ADGRB1: variants seen among roughly 807,000 people sequenced by gnomAD.
The protein encoded by ADGRB1 is brain-specific angiogenesis inhibitor 1.
Under a neutral mutation model 175.7 loss-of-function variants are expected in ADGRB1, and 36 were observed. The ratio of observed to expected loss-of-function variants is 0.20; its 90% CI spans 0.16 to 0.27. The LOEUF is 0.27. Among genes scored for constraint, ADGRB1 ranks in the 10% least tolerant of loss-of-function variants. The pLI, the probability that ADGRB1 is intolerant of heterozygous loss-of-function variation, is 1.00. For synonymous variants in ADGRB1, 1,054 were observed against 979.4 expected (o/e 1.08, Z -1.42); for missense variants, 1,731 against 2,255.3 (o/e 0.77, Z 4.71).
Position 142,511,035 on chromosome 8 carries a change from T to C in ADGRB1, c.2779T>C (p.Ser927Pro). 1 of 1,299,224 alleles carries C rather than the reference T, an allele frequency of 7.7e-7. No individual in the cohort carries two copies. The highest frequency in any genetic ancestry group is 9.9e-7 in the Non-Finnish European group (1 of 1,005,918). The allele number at this position is 1,299,224 out of a possible 1,614,324, so 80.5% of individuals were successfully genotyped here. A position where few individuals can be genotyped will look rare whatever the true frequency, so the allele number is the denominator to read the frequency against. ...LRTRCLCDRLSTFAILAQLSA... is the reference protein window; with the variant it reads ...LRTRCLCDRLPTFAILAQLSA... ...GACGCGCTGCCTCTGTGACCGGCTC[T>C]CCACCTTCGCCATCTTAGCCCAGCT... is the stretch of plus-strand genomic sequence containing the variant. Residue 927 changes from serine to proline, a missense_variant, in exon 18 of 31, where the codon TCC becomes CCC. This residue lies in a region of ADGRB1 where 77 missense variants were observed against 71.6 expected (regional missense o/e 1.08). Transcript: ENST00000517894. This position sits in a 1 kb window ranked among gnomAD's most constrained non-coding sequence, Gnocchi z 4.5.
At chr8:142,522,801 C>A (rs1040976745) in intron 22 of ADGRB1, 91 bp downstream of exon 22, 1 of 1,282,246 alleles carries the variant, frequency 7.8e-7, no homozygotes, top group Non-Finnish European at 1.0e-6. Context: ...CCATGCCCTC[C>A]CCCCGTGTGA....
chr8:142,471,611 C>G (rs1461643738), intron 2 of ADGRB1, among the ~76,000 whole-genome samples: 1 of 152,254 alleles, frequency 6.6e-6, no homozygotes, highest in African/African-American at 2.4e-5. Context: ...GCAGGGCCTA[C>G]GTGAGGCTTT....
chr8:142,518,022 G>A, intron 18 of ADGRB1, 116 bp from the exon 19 acceptor site: 1 of 920,892 alleles, frequency 1.1e-6, no homozygotes, highest in Non-Finnish European at 1.7e-6. Flanking sequence ...GGAGGGGCTG[G>A]GCCAAACGCT....
At chr8:142,539,189 C>T (rs896004073) in intron 26 of ADGRB1, among the ~76,000 whole-genome samples, 185 bp from the exon 27 acceptor site, 4 of 152,146 alleles carry the variant, frequency 2.6e-5, no homozygotes, top group Non-Finnish European at 5.9e-5. Context: ...GAGACACAAA[C>T]GCCCACCACA....
intron 1 of ADGRB1, among the ~76,000 whole-genome samples, chr8:142,457,935 A>G (rs1267905012): frequency 1.3e-5 from 2 of 152,134 alleles, no homozygotes; most frequent in Non-Finnish European, 2.9e-5. Context: ...GGGCACCCTG[A>G]GCGGGGAAGG....
At chr8:142,515,544 C>T (rs1292515070) in intron 18 of ADGRB1, among the ~76,000 whole-genome samples, 3 of 152,162 alleles carry the variant, frequency 2.0e-5, no homozygotes, top group East Asian at 1.9e-4. Flanking sequence ...TCAGAGCAGG[C>T]GCGAGACGCT....
At chr8:142,487,739 C>T (rs542357752) in intron 13 of ADGRB1, among the ~76,000 whole-genome samples, 34 of 150,762 alleles carry the variant, frequency 2.3e-4, no homozygotes, top group Non-Finnish European at 3.9e-4. Flanking sequence ...TGCCCCTAAA[C>T]GTGCTGCCTC....
In ADGRB1 at chr8:142,457,594, C is replaced by T. The variant is rs536919312; in HGVS notation, c.-219-6386C>T. Among the ~76,000 whole-genome samples, 6 of 152,196 alleles carry T rather than the reference C, an allele frequency of 3.9e-5. No homozygotes were observed. The South Asian group carries it at 6.2e-4, about 16-fold the overall frequency. On this transcript the variant is annotated intron_variant, in intron 1 of 30. Coordinates refer to ENST00000517894, the MANE Select transcript of ADGRB1 (RefSeq NM_001702.3). ...CCTGCCCACCCTTAAGAGAGGCTTC[C>T]GGGCCTGCCTCTGCTGTGGGTGGCA...
chr8:142,472,076 G>A (rs1028230507), intron 2 of ADGRB1, among the ~76,000 whole-genome samples: 26 of 152,180 alleles, frequency 1.7e-4, no homozygotes, highest in African/African-American at 5.8e-4. Flanking sequence ...TGCTGGAGTC[G>A]GGAGACCTCT....
At chr8:142,526,140 C>T (rs1844169770) in intron 23 of ADGRB1, among the ~76,000 whole-genome samples, 1 of 152,094 alleles carries the variant, frequency 6.6e-6, no homozygotes, top group Non-Finnish European at 1.5e-5. Context: ...GGAAGGAAGT[C>T]TAGAGAGAGG....
Position 142,504,875 on chromosome 8 carries a change from C to T in ADGRB1, c.2676-6057C>T, listed in dbSNP as rs1481878922. 6.6e-6 allele frequency among the ~76,000 whole-genome samples: 1 copy of T among 152,092 alleles called. No homozygotes were observed. Among genetic ancestry groups the T allele is most frequent in the South Asian group, 2.1e-4 (1 of 4,828 alleles). On this transcript the variant is annotated intron_variant, in intron 17 of 30. Transcript: ENST00000517894. This position sits in a 1 kb window ranked among gnomAD's most constrained non-coding sequence, Gnocchi z 5.6. ...GCCTAGCGCCTGAACTCCCCCACTG[C>T]GGTGTGCTGTGCCCACTCCTGGCTT...
chr8:142,543,458 C>T lies in ADGRB1; in HGVS notation c.4449+20C>T, dbSNP rs545947735. 10 of 1,613,526 alleles carry T rather than the reference C, an allele frequency of 6.2e-6. No individual in the cohort carries two copies. Among genetic ancestry groups the T allele is most frequent in the South Asian group, 5.5e-5 (5 of 91,016 alleles). ...TTTGAGGTGAGTTCTGGTGTCCCCCCCCACCAGACACTTAGGGCCAGATGT... is the reference window on the plus strand; with the variant it reads ...TTTGAGGTGAGTTCTGGTGTCCCCCTCCACCAGACACTTAGGGCCAGATGT... On this transcript the variant is annotated intron_variant, in intron 29 of 30. Transcript: ENST00000517894. The surrounding 1 kb of genome is among the most constrained non-coding windows in gnomAD (Gnocchi z 4.4).
At chr8:142,534,277 C>T (rs902186401) in intron 25 of ADGRB1, among the ~76,000 whole-genome samples, 5 of 152,188 alleles carry the variant, frequency 3.3e-5, no homozygotes, top group Non-Finnish European at 5.9e-5. Flanking sequence ...GAAGGTCAGG[C>T]GTGGGAGGCC....
At position 142,544,527 on chromosome 8, in the gene ADGRB1, C is replaced by T. The variant is rs1845475587; in HGVS notation, c.*110C>T. 2 of 1,279,920 alleles carry T rather than the reference C, an allele frequency of 1.6e-6. No individual in the cohort carries two copies. The highest frequency in any genetic ancestry group is 6.2e-5 in the East Asian group (2 of 32,124). The allele number at this position is 1,279,920 out of a possible 1,614,324, so 79.3% of individuals were successfully genotyped here. A position where few individuals can be genotyped will look rare whatever the true frequency, so the allele number is the denominator to read the frequency against. On this transcript the variant is annotated 3_prime_UTR_variant, in exon 31 of 31. Coordinates refer to ENST00000517894, the MANE Select transcript of ADGRB1 (RefSeq NM_001702.3). The stretch of plus-strand genomic sequence containing the variant: ...CGCGGGCAGCGGGCCAGGCCCGCAC[C>T]CCGGCCTCAGGGCGCTCAGACGGCG...
intron 1 of ADGRB1, among the ~76,000 whole-genome samples, chr8:142,456,672 C>T (rs1303209611): frequency 2.0e-5 from 3 of 152,266 alleles, no homozygotes; most frequent in Non-Finnish European, 4.4e-5. Context: ...CACCTACTCT[C>T]TCCCTCGGTC....
At chr8:142,500,063 A>G (rs990942511) in intron 17 of ADGRB1, among the ~76,000 whole-genome samples, 2 of 151,982 alleles carry the variant, frequency 1.3e-5, no homozygotes, top group African/African-American at 4.8e-5. Context: ...CTCCCTCAGC[A>G]CGGACAGGTC....
chr8:142,476,459 C>T (rs1250784782), intron 3 of ADGRB1, 126 bp from the exon 4 acceptor site: 1 of 813,252 alleles, frequency 1.2e-6, no homozygotes, highest in Non-Finnish European at 2.0e-6. Flanking sequence ...GCACTCTGGT[C>T]CCTGGCTCCC....
Position 142,479,753 on chromosome 8 carries a change from C to G in ADGRB1, c.1787C>G (p.Ala596Gly), listed in dbSNP as rs768849648. The change falls in exon 9 of 31, where the codon GCG becomes GGG. Residue 596 changes from alanine (A) to glycine (G), a missense_variant. This residue lies in a region of ADGRB1 where 388 missense variants were observed against 630.9 expected (regional missense o/e 0.61). Transcript: ENST00000517894. Reference protein sequence around the residue: ...FGAVIWKETPAGEVAAVRCPR... With the variant: ...FGAVIWKETPGGEVAAVRCPR... ...GCTGTGATCTGGAAGGAGACCCCAG[C>G]GGGAGAGGTGGCTGCTGTCCGGTGT... The G allele has an allele frequency of 1.4e-5, 23 of 1,613,056 alleles. No homozygotes were observed. The highest frequency in any genetic ancestry group is 1.9e-5 in the Non-Finnish European group (22 of 1,179,534).
intron 17 of ADGRB1, among the ~76,000 whole-genome samples, chr8:142,502,680 G>A (rs984674237): frequency 1.5e-4 from 23 of 151,442 alleles, no homozygotes; most frequent in Admixed American, 8.5e-4. Flanking sequence ...AGTAAGGGTC[G>A]CATTGTTGGT....
Sources: gnomAD v4.1 joint callset for allele counts (sites outside exome capture counted in the v4.1 genomes callset) on GRCh38, gnomAD v4.1.1 for gene constraint, gnomAD v4.1.1 regional missense constraint, Gnocchi (gnomAD v3.1) non-coding constraint, MANE v1.5 for transcripts, NCBI Gene and HGNC (gene_info 2026-07-23, HGNC 2026-07-21) for gene names.